PERCC1: variants seen among roughly 807,000 people sequenced by gnomAD.
The protein encoded by PERCC1 is proline and glutamate rich with coiled coil 1, also known as protein PERCC1.
chr16:1,434,349 G>T lies in PERCC1; in HGVS notation c.*952G>T. 2 of 1,525,186 alleles carry T rather than the reference G, an allele frequency of 1.3e-6. No homozygotes were observed. Among genetic ancestry groups the T allele is most frequent in the South Asian group, 2.4e-5 (2 of 82,028 alleles). 94.5% of individuals were successfully genotyped at this position (1,525,186 alleles called of 1,614,324 possible). A position where few individuals can be genotyped will look rare whatever the true frequency, so the allele number is the denominator to read the frequency against. On this transcript the variant is annotated 3_prime_UTR_variant, in exon 2 of 2. Transcript: ENST00000640283. Reference sequence around the variant, plus strand: ...CGCTCAGCCCCACAGGCCCTGGGTAGGCTGTCTCCCAGCACACATCAGGGA... The same window carrying T: ...CGCTCAGCCCCACAGGCCCTGGGTATGCTGTCTCCCAGCACACATCAGGGA...
intron 1 of PERCC1, among the ~76,000 whole-genome samples, chr16:1,431,553 C>G (rs2038448462): frequency 6.6e-6 from 1 of 151,918 alleles, no homozygotes; most frequent in African/African-American, 2.4e-5. Context: ...CGCAACACCC[C>G]TCCCTCCCTG....
rs1285680473 is a variant in PERCC1 at position 1,434,431 on chromosome 16, G to T, written c.*1034G>T. On this transcript the variant is annotated 3_prime_UTR_variant, in exon 2 of 2. Coordinates refer to ENST00000640283, the MANE Select transcript of PERCC1 (RefSeq NM_001365310.2). ...GTTTATTTCTGGATAAACAGTGAGG[G>T]TGTGAGCTGCTGCACCTGCTCCTGG... 5 of 1,550,374 alleles carry T rather than the reference G, an allele frequency of 3.2e-6. No homozygotes were observed. The African/African-American group carries it at 4.1e-5, about 13-fold the overall frequency.
At chr16:1,431,474 G>C (rs1202118208) in intron 1 of PERCC1, among the ~76,000 whole-genome samples, 4 of 152,032 alleles carry the variant, frequency 2.6e-5, no homozygotes, top group African/African-American at 9.7e-5. Flanking sequence ...TGACCCCGAG[G>C]AAAGCCTGTC....
chr16:1,434,261 G>A lies in PERCC1; in HGVS notation c.*864G>A. Reference sequence around the variant, plus strand: ...GTTTGGGCAGGACAGGAAGAGTCATGGGGGTCAAGAGACTGGGTCCCTCCA... The same window carrying A: ...GTTTGGGCAGGACAGGAAGAGTCATAGGGGTCAAGAGACTGGGTCCCTCCA... On this transcript the variant is annotated 3_prime_UTR_variant, in exon 2 of 2. Coordinates refer to ENST00000640283, the MANE Select transcript of PERCC1 (RefSeq NM_001365310.2). 1.1e-6 allele frequency: 1 copy of A among 897,542 alleles called. No individual in the cohort carries two copies. Among genetic ancestry groups the A allele is most frequent in the Non-Finnish European group, 1.7e-6 (1 of 605,432 alleles). The allele number at this position is 897,542 out of a possible 1,614,324, so 55.6% of individuals were successfully genotyped here.
At position 1,432,952 on chromosome 16, in the gene PERCC1, GCC is replaced by G. The variant is rs2038463893; in HGVS notation, c.361_362del (p.Pro121ThrfsTer103). 1 of 398,924 alleles carries G rather than the reference GCC, an allele frequency of 2.5e-6. No individual in the cohort carries two copies. The highest frequency in any genetic ancestry group is 3.6e-5 in the East Asian group (1 of 28,074). The allele number at this position is 398,924 out of a possible 1,614,324, so 24.7% of individuals were successfully genotyped here. On this transcript the variant is annotated frameshift_variant, in exon 2 of 2. Transcript: ENST00000640283. LOFTEE classifies it low-confidence loss of function (END_TRUNC). ...GCCTGCGACGTCTACGCCGACAGCC[GCC>G]CACCCCGCAGCACTGCCCGGGAGCT...
In PERCC1 at chr16:1,432,971, C is replaced by T; in HGVS notation, c.378C>T (p.Ala126=). 2.5e-6 allele frequency: 1 copy of T among 398,932 alleles called. No homozygotes were observed. The highest frequency in any genetic ancestry group is 4.4e-6 in the Non-Finnish European group (1 of 226,184). The allele number at this position is 398,932 out of a possible 1,614,324, so 24.7% of individuals were successfully genotyped here. Reference sequence around the variant, plus strand: ...ACAGCCGCCCACCCCGCAGCACTGCCCGGGAGCTCTACTATGCGGACCTGG... The same window carrying T: ...ACAGCCGCCCACCCCGCAGCACTGCTCGGGAGCTCTACTATGCGGACCTGG... ...YADSRPPRST[A]RELYYADLVR... The change falls in exon 2 of 2, where the codon GCC becomes GCT. Residue 126 remains alanine (A), a synonymous_variant. Transcript: ENST00000640283.
chr16:1,431,369 C>T (rs992661771), intron 1 of PERCC1, among the ~76,000 whole-genome samples: 3 of 152,042 alleles, frequency 2.0e-5, no homozygotes, highest in African/African-American at 7.2e-5. Flanking sequence ...GCGAGGGGGA[C>T]CCCAGTACTT....
At chr16:1,432,362 C>T (rs1165323789) in intron 1 of PERCC1, among the ~76,000 whole-genome samples, 185 bp from the exon 2 acceptor site, 3 of 152,244 alleles carry the variant, frequency 2.0e-5, no homozygotes, top group African/African-American at 7.2e-5. Context: ...AGTGCCCACC[C>T]CATCTCTCTC....
Position 1,434,440 on chromosome 16 carries a change from G to A in PERCC1, c.*1043G>A. ...TGGATAAACAGTGAGGGTGTGAGCT[G>A]CTGCACCTGCTCCTGGCTGTGGGGC... On this transcript the variant is annotated 3_prime_UTR_variant, in exon 2 of 2. Coordinates refer to ENST00000640283, the MANE Select transcript of PERCC1 (RefSeq NM_001365310.2). The A allele has an allele frequency of 6.5e-7, 1 of 1,550,364 alleles. No homozygotes were observed. The highest frequency in any genetic ancestry group is 8.7e-7 in the Non-Finnish European group (1 of 1,146,896).
At chr16:1,432,436 G>A (rs1157914599) in intron 1 of PERCC1, 111 bp from the exon 2 acceptor site, 2 of 397,470 alleles carry the variant, frequency 5.0e-6, no homozygotes, top group East Asian at 3.6e-5. Flanking sequence ...AGGAGCGGAG[G>A]AAGGTCTCTG....
rs574874149 is a variant in PERCC1, at chr16:1,431,442, G to A, written c.-48+334G>A. On this transcript the variant is annotated intron_variant, in intron 1 of 1. Coordinates refer to ENST00000640283, the MANE Select transcript of PERCC1 (RefSeq NM_001365310.2). ...GGGAGGCCTCGCAGTTCACCTCCCCGACAGCCAGCGGGGAAACATCCTGAC... is the reference window on the plus strand; with the variant it reads ...GGGAGGCCTCGCAGTTCACCTCCCCAACAGCCAGCGGGGAAACATCCTGAC... Among the ~76,000 whole-genome samples the A allele has an allele frequency of 3.3e-5, 5 of 152,168 alleles. No homozygotes were observed. The South Asian group carries it at 1.0e-3, about 32-fold the overall frequency.
rs2038478993 is a variant in PERCC1, at chr16:1,434,426, T to C, written c.*1029T>C. The C allele has an allele frequency of 6.5e-7, 1 of 1,550,236 alleles. No homozygotes were observed. The highest frequency in any genetic ancestry group is 1.4e-5 in the African/African-American group (1 of 73,038). ...AGCACGTTTATTTCTGGATAAACAG[T>C]GAGGGTGTGAGCTGCTGCACCTGCT... On this transcript the variant is annotated 3_prime_UTR_variant, in exon 2 of 2. Coordinates refer to ENST00000640283, the MANE Select transcript of PERCC1 (RefSeq NM_001365310.2).
chr16:1,432,006 T>TCTG (rs543381749), intron 1 of PERCC1, among the ~76,000 whole-genome samples: 4 of 151,930 alleles, frequency 2.6e-5, no homozygotes, highest in Non-Finnish European at 2.9e-5. Flanking sequence ...CGCCTCCACT[T>TCTG]TGATCAAGAG....
Position 1,432,973 on chromosome 16 carries a change from G to A in PERCC1, c.380G>A (p.Arg127Gln), listed in dbSNP as rs545814553. 7.4e-4 allele frequency: 296 copies of A among 398,930 alleles called. 1 individual carries two copies. The highest frequency in any genetic ancestry group is 1.0e-3 in the Non-Finnish European group (231 of 226,180). 24.7% of individuals were successfully genotyped at this position (398,930 alleles called of 1,614,324 possible). The stretch of plus-strand genomic sequence containing the variant: ...AGCCGCCCACCCCGCAGCACTGCCC[G>A]GGAGCTCTACTATGCGGACCTGGTG... Reference protein sequence around the residue: ...ADSRPPRSTARELYYADLVRL... With the variant: ...ADSRPPRSTAQELYYADLVRL... Residue 127 changes from arginine (R) to glutamine (Q), a missense_variant, in exon 2 of 2, where the codon CGG becomes CAG. Physicochemically the swap from Arg to Gln is conservative, Grantham distance 43. Coordinates refer to ENST00000640283, the MANE Select transcript of PERCC1 (RefSeq NM_001365310.2).
intron 1 of PERCC1, 92 bp from the exon 2 acceptor site, chr16:1,432,455 C>T (rs2038456571): frequency 2.5e-6 from 1 of 397,720 alleles, no homozygotes. Flanking sequence ...TGCGGGAGGC[C>T]ACAGATGTGT....
Position 1,434,364 on chromosome 16 carries a change from C to A in PERCC1, c.*967C>A, listed in dbSNP as rs1171464638. The A allele has an allele frequency of 5.2e-6, 8 of 1,540,570 alleles. No homozygotes were observed. The highest frequency in any genetic ancestry group is 7.0e-6 in the Non-Finnish European group (8 of 1,140,814). ...GCCCTGGGTAGGCTGTCTCCCAGCA[C>A]ACATCAGGGAACCTCAGCTCTAATG... On this transcript the variant is annotated 3_prime_UTR_variant, in exon 2 of 2. Transcript: ENST00000640283.
At position 1,433,388 on chromosome 16, in the gene PERCC1, C is replaced by T. The variant is rs868038591; in HGVS notation, c.795C>T (p.Ala265=). ...CAGCCCTGGAAGGGGCACGGCCAGC[C>T]GAGGCCTAGCGAAGCGCCGGGGTCA... The part of the protein sequence containing the change: ...GTPALEGARP[A]EA The change falls in exon 2 of 2, where the codon GCC becomes GCT. Residue 265 remains alanine, a synonymous_variant. Coordinates refer to ENST00000640283, the MANE Select transcript of PERCC1 (RefSeq NM_001365310.2). 2.3e-5 allele frequency: 9 copies of T among 398,506 alleles called. No individual in the cohort carries two copies. The highest frequency in any genetic ancestry group is 7.1e-5 in the East Asian group (2 of 28,076). 24.7% of individuals were successfully genotyped at this position (398,506 alleles called of 1,614,324 possible).
rs1596201500 is a variant in PERCC1, at chr16:1,434,087, T to A, written c.*690T>A. Among the ~76,000 whole-genome samples, 1 of 152,104 alleles carries A rather than the reference T, an allele frequency of 6.6e-6. No homozygotes were observed. Among genetic ancestry groups the A allele is most frequent in the African/African-American group, 2.4e-5 (1 of 41,424 alleles). ...CCGGGCAGGGGCAGCTCACAGCGGG[T>A]CCTGGCGGGGGCAGGCCTAGGTGCT... On this transcript the variant is annotated 3_prime_UTR_variant, in exon 2 of 2. Transcript: ENST00000640283.
chr16:1,433,085 C>T lies in PERCC1; in HGVS notation c.492C>T (p.Ser164=), dbSNP rs1335102905. 1.5e-5 allele frequency: 6 copies of T among 398,478 alleles called. No individual in the cohort carries two copies. Among genetic ancestry groups the T allele is most frequent in the Non-Finnish European group, 2.2e-5 (5 of 225,990 alleles). 24.7% of individuals were successfully genotyped at this position (398,478 alleles called of 1,614,324 possible). A position where few individuals can be genotyped will look rare whatever the true frequency, so the allele number is the denominator to read the frequency against. ...GGCAGGTGTGCAGGCCGGGCCTCAG[C>T]GGGGACAGGGCGCAGCCCCTGGGAC... ...PQGQVCRPGL[S]GDRAQPLGPL... The change falls in exon 2 of 2, where the codon AGC becomes AGT. Residue 164 remains serine, a synonymous_variant. Coordinates refer to ENST00000640283, the MANE Select transcript of PERCC1 (RefSeq NM_001365310.2).
Sources: gnomAD v4.1 joint callset for allele counts (sites outside exome capture counted in the v4.1 genomes callset) on GRCh38, gnomAD v4.1.1 for gene constraint, MANE v1.5 for transcripts, NCBI Gene and HGNC (gene_info 2026-07-23, HGNC 2026-07-21) for gene names.